The following SLIT3 variants were observed in gnomAD, a reference collection of about 807,000 sequenced individuals.
SLIT3 encodes the protein slit guidance ligand 3, also known as slit homolog 3 protein.
Under a neutral mutation model 184.0 loss-of-function variants are expected in SLIT3, and 68 were observed. The ratio of observed to expected loss-of-function variants is 0.37; its 90% CI spans 0.30 to 0.45. The LOEUF (loss-of-function observed/expected upper bound fraction) is 0.45. Ranked by LOEUF, SLIT3 falls within the 20% of genes least tolerant of loss-of-function variation. SLIT3 has a pLI of 1.00. For synonymous variants in SLIT3, 831 were observed against 828.6 expected, an observed-to-expected ratio of 1.00 and a Z score of -0.05; for missense variants, 1,707 against 2,026.0, an observed-to-expected ratio of 0.84 and a Z score of 3.02.
intron 11 of SLIT3, among the ~76,000 whole-genome samples, chr5:168,786,280 G>A (rs1756151222): frequency 6.6e-6 from 1 of 152,138 alleles, no homozygotes; most frequent in East Asian, 1.9e-4. Flanking sequence ...ATCTCCCTAA[G>A]CTGCTAATAT....
chr5:168,790,773 C>T (rs1248396410), intron 10 of SLIT3: 1 of 152,182 alleles, frequency 6.6e-6, no homozygotes, highest in Non-Finnish European at 1.5e-5. Flanking sequence ...GCAATTGACT[C>T]CAGCGAAGCC....
intron 1 of SLIT3, among the ~76,000 whole-genome samples, chr5:169,292,067 G>A (rs1367617121): frequency 6.6e-6 from 1 of 152,154 alleles, no homozygotes; most frequent in African/African-American, 2.4e-5. Context: ...GACCCTGTAG[G>A]CCCTGGTCCC....
intron 4 of SLIT3, among the ~76,000 whole-genome samples, chr5:169,018,978 T>A (rs79130729): frequency 6.6e-6 from 1 of 152,190 alleles, no homozygotes; most frequent in South Asian, 2.1e-4. Flanking sequence ...GCACCCTGCA[T>A]TGACAACTAG....
intron 4 of SLIT3, among the ~76,000 whole-genome samples, chr5:168,948,186 C>T (rs373781200): frequency 6.3e-4 from 96 of 152,256 alleles, no homozygotes; most frequent in African/African-American, 2.2e-3. Context: ...GGACCTGACG[C>T]GCCACCCCAG....
At chr5:168,810,606 G>A (rs77795912) in intron 8 of SLIT3, among the ~76,000 whole-genome samples, 1 of 150,156 alleles carries the variant, frequency 6.7e-6, no homozygotes, top group Non-Finnish European at 1.5e-5. Context: ...TCTCCCCTCT[G>A]GGGGGGACTT....
intron 4 of SLIT3, among the ~76,000 whole-genome samples, chr5:169,055,834 GAAA>G (rs201756362): frequency 7.1e-6 from 1 of 141,626 alleles, no homozygotes. Flanking sequence ...TGTCTCGGAG[GAAA>G]AAAAAAAAAG....
At chr5:169,255,839 C>T (rs190467874) in intron 1 of SLIT3, among the ~76,000 whole-genome samples, 6 of 152,156 alleles carry the variant, frequency 3.9e-5, no homozygotes, top group Admixed American at 2.0e-4. Context: ...GCCGAGATCG[C>T]GCCACTGCAC....
intron 2 of SLIT3, among the ~76,000 whole-genome samples, chr5:169,247,941 GT>G (rs1158428416): frequency 1.3e-5 from 2 of 152,140 alleles, no homozygotes; most frequent in African/African-American, 4.8e-5. Context: ...CCATCAAGAA[GT>G]TTTTTGACTT....
chr5:168,959,526 GCAAA>G (rs1223358295), intron 4 of SLIT3, among the ~76,000 whole-genome samples: 1 of 152,214 alleles, frequency 6.6e-6, no homozygotes, highest in East Asian at 1.9e-4. Context: ...GGAAGAAAAA[GCAAA>G]CACAGTGTCA....
chr5:169,249,124 C>T (rs1765691631), intron 2 of SLIT3, among the ~76,000 whole-genome samples: 1 of 151,962 alleles, frequency 6.6e-6, no homozygotes, highest in African/African-American at 2.4e-5. Flanking sequence ...TAAAAAGAAT[C>T]GATTGAGGAA....
At chr5:168,770,621 C>T (rs1026201037) in intron 14 of SLIT3, among the ~76,000 whole-genome samples, 5 of 151,722 alleles carry the variant, frequency 3.3e-5, no homozygotes, top group Non-Finnish European at 7.4e-5. Context: ...CTCCAAACAT[C>T]TCTACTTTTT....
chr5:168,753,827 T>A, intron 17 of SLIT3, 37 bp downstream of exon 17: 1 of 1,599,726 alleles, frequency 6.3e-7, no homozygotes, highest in Admixed American at 1.7e-5. Context: ...CCCGTCTCCC[T>A]CTGGGTCTTG....
intron 9 of SLIT3, 45 bp from the exon 10 acceptor site, chr5:168,795,623 A>G: frequency 6.1e-6 from 9 of 1,477,668 alleles, no homozygotes; most frequent in Non-Finnish European, 8.5e-6. Flanking sequence ...TCCACCTGTC[A>G]ACAAGTGGTC....
At chr5:168,816,639 G>T (rs538043061) in intron 8 of SLIT3, among the ~76,000 whole-genome samples, 1 of 152,050 alleles carries the variant, frequency 6.6e-6, no homozygotes, top group Non-Finnish European at 1.5e-5. Context: ...GTTACATTTC[G>T]ATTACCCACA....
At chr5:168,775,038 ATTTT>A in intron 12 of SLIT3, among the ~76,000 whole-genome samples, 1 of 135,584 alleles carries the variant, frequency 7.4e-6, no homozygotes, top group African/African-American at 2.7e-5. Context: ...CCACCACTGC[ATTTT>A]TTTTTTTTTT....
At chr5:168,771,005 C>T (rs985949219) in intron 14 of SLIT3, among the ~76,000 whole-genome samples, 3 of 152,072 alleles carry the variant, frequency 2.0e-5, no homozygotes, top group Non-Finnish European at 4.4e-5. Flanking sequence ...CACGCAGGGC[C>T]GCCACATCCA....
chr5:169,278,248 C>A (rs1044578678), intron 1 of SLIT3, among the ~76,000 whole-genome samples: 1 of 152,186 alleles, frequency 6.6e-6, no homozygotes, highest in African/African-American at 2.4e-5. Context: ...TCTGTACCAC[C>A]TTTCTGCATT....
chr5:169,258,999 T>C (rs1043902888), intron 1 of SLIT3, among the ~76,000 whole-genome samples: 23 of 152,348 alleles, frequency 1.5e-4, no homozygotes, highest in African/African-American at 5.5e-4. Context: ...GGAACTCCCA[T>C]TGTTGTTGCT....
At chr5:169,116,643 G>C (rs10053670) in intron 4 of SLIT3, among the ~76,000 whole-genome samples, 6 of 152,158 alleles carry the variant, frequency 3.9e-5, no homozygotes, top group Non-Finnish European at 8.8e-5. Context: ...GATAGTCCAT[G>C]CACATGATCC....
Sources: gnomAD v4.1 joint callset for allele counts (sites outside exome capture counted in the v4.1 genomes callset) on GRCh38, gnomAD v4.1.1 for gene constraint, MANE v1.5 for transcripts, NCBI Gene and HGNC (gene_info 2026-07-23, HGNC 2026-07-21) for gene names.